ZNF469: variants seen among roughly 807,000 people sequenced by gnomAD.
The protein encoded by ZNF469 is zinc finger protein 469.
In ZNF469, 1 loss-of-function variant was observed where a neutral mutation model predicts 1.0. The ratio of observed to expected loss-of-function variants is 1.00; its 90% CI spans 0.35 to 4.73. The LOEUF is 4.73. Ranked by LOEUF, ZNF469 falls within the 30% of genes most tolerant of loss-of-function variation. The pLI is 0.16. For missense variants in ZNF469, 6,100 were observed against 5,356.3 expected, an observed-to-expected ratio of 1.14 and a Z score of -4.33; for synonymous variants, 2,703 against 2,363.4, an observed-to-expected ratio of 1.14 and a Z score of -4.17.
At chr16:88,238,709 G>A in the ZNF469 span, among the ~76,000 whole-genome samples, 2 of 152,194 alleles carry the variant, frequency 1.3e-5, no homozygotes, top group East Asian at 1.9e-4. Context: ...TTAAAACCAT[G>A]GAGATCCCAG....
chr16:88,160,602 C>T, the ZNF469 span, among the ~76,000 whole-genome samples: 2 of 152,300 alleles, frequency 1.3e-5, no homozygotes, highest in Non-Finnish European at 2.9e-5. Flanking sequence ...CAACTCTTTT[C>T]ACAACAACTT....
intron 1 of ZNF469, among the ~76,000 whole-genome samples, chr16:88,393,590 C>T (rs1310961213): frequency 6.6e-6 from 1 of 152,202 alleles, no homozygotes; most frequent in African/African-American, 2.4e-5. Context: ...GGGTTCGCCC[C>T]AGTGCCGAGC....
chr16:88,316,197 T>C, the ZNF469 span, among the ~76,000 whole-genome samples: 1 of 152,226 alleles, frequency 6.6e-6, no homozygotes, highest in Non-Finnish European at 1.5e-5. Flanking sequence ...TCATACGTTT[T>C]GAACAGTCCT....
the ZNF469 span, among the ~76,000 whole-genome samples, chr16:88,249,679 G>A: frequency 1.9e-4 from 29 of 151,794 alleles, no homozygotes; most frequent in South Asian, 6.2e-4. Flanking sequence ...CTTGTGATCC[G>A]CCCACCTCGG....
chr16:88,250,088 C>A, the ZNF469 span, among the ~76,000 whole-genome samples: 2 of 152,240 alleles, frequency 1.3e-5, no homozygotes, highest in Admixed American at 1.3e-4. Flanking sequence ...AATGTATGTG[C>A]AGAAAAGCGA....
chr16:88,162,302 C>T, the ZNF469 span, among the ~76,000 whole-genome samples: 1 of 143,768 alleles, frequency 7.0e-6, no homozygotes, highest in African/African-American at 2.6e-5. Context: ...AAATTCAACA[C>T]TGAAAAAAAT....
the ZNF469 span, among the ~76,000 whole-genome samples, chr16:88,164,346 A>T: frequency 6.6e-6 from 1 of 151,882 alleles, no homozygotes; most frequent in Admixed American, 6.6e-5. Context: ...GGGTGGATGT[A>T]TAAGTGGGTA....
At chr16:88,360,152 C>A in the ZNF469 span, among the ~76,000 whole-genome samples, 1 of 152,046 alleles carries the variant, frequency 6.6e-6, no homozygotes, top group Non-Finnish European at 1.5e-5. Flanking sequence ...CCACACCCGG[C>A]TGGGATTACA....
At chr16:88,164,944 T>G in the ZNF469 span, among the ~76,000 whole-genome samples, 1 of 152,166 alleles carries the variant, frequency 6.6e-6, no homozygotes, top group Non-Finnish European at 1.5e-5. Flanking sequence ...CAGTAGGTGG[T>G]GTGCCCCGCC....
In ZNF469 at chr16:88,429,013, G is replaced by A. The variant is rs1131691990; in HGVS notation, c.1543G>A (p.Gly515Arg). The A allele has an allele frequency of 5.2e-6, 8 of 1,549,274 alleles. No individual in the cohort carries two copies. The highest frequency in any genetic ancestry group is 4.1e-5 in the African/African-American group (3 of 73,026). Residue 515 changes from glycine (G) to arginine (R), a missense_variant, in exon 3 of 3, where the codon GGG (glycine) becomes AGG (arginine). By Grantham distance (125) the Gly-to-Arg change is moderately radical. Coordinates refer to ENST00000565624, the MANE Select transcript of ZNF469 (RefSeq NM_001367624.2). ...CCCCGCGGGGGGCCCCGAGTGGCAG[G>A]GGGGCAGCCAAGGAGCCCTGGGCAC... is the stretch of plus-strand genomic sequence containing the variant. ...PFPAGGPEWQGGSQGALGTAG... is the reference protein window; with the variant it reads ...PFPAGGPEWQRGSQGALGTAG...
chr16:88,224,911 G>C, the ZNF469 span, among the ~76,000 whole-genome samples: 39 of 152,308 alleles, frequency 2.6e-4, no homozygotes, highest in Non-Finnish European at 4.1e-4. Context: ...TCTGGGGAGC[G>C]GAGGTGCCCC....
At chr16:88,317,037 T>C in the ZNF469 span, among the ~76,000 whole-genome samples, 2 of 152,092 alleles carry the variant, frequency 1.3e-5, no homozygotes, top group South Asian at 4.2e-4. Context: ...ACCCAGATAA[T>C]AAACTGTAGA....
At chr16:88,375,634 T>A in the ZNF469 span, among the ~76,000 whole-genome samples, 1 of 152,220 alleles carries the variant, frequency 6.6e-6, no homozygotes, top group South Asian at 2.1e-4. Context: ...AATCTCTTTG[T>A]TCATTCATTT....
At chr16:88,238,323 C>T in the ZNF469 span, among the ~76,000 whole-genome samples, 6 of 152,166 alleles carry the variant, frequency 3.9e-5, no homozygotes, top group South Asian at 6.2e-4. Context: ...GGTGGAGAGC[C>T]GCACAAGTGA....
At chr16:88,185,737 TAC>T in the ZNF469 span, among the ~76,000 whole-genome samples, 1 of 117,570 alleles carries the variant, frequency 8.5e-6, no homozygotes, top group Non-Finnish European at 1.7e-5. Context: ...TACACACGCA[TAC>T]ACACTCGTGT....
rs565933848 is a variant in ZNF469, at chr16:88,431,623, C to T, written c.4153C>T (p.Leu1385Phe). The T allele has an allele frequency of 6.4e-7, 1 of 1,550,494 alleles. No individual in the cohort carries two copies. The highest frequency in any genetic ancestry group is 1.4e-5 in the African/African-American group (1 of 73,192). The change falls in exon 3 of 3, where the codon CTC becomes TTC. Residue 1385 changes from leucine (L) to phenylalanine (F), a missense_variant. Physicochemically the swap from Leu to Phe is conservative, Grantham distance 22. Transcript: ENST00000565624. ...CAGCAGCCCCCACAGTGAGTTGTTC[C>T]TCGGACCCAAAGACCTGGCTGGCTG... is the stretch of plus-strand genomic sequence containing the variant. Reference protein sequence around the residue: ...PYSSPHSELFLGPKDLAGCFL... With the variant: ...PYSSPHSELFFGPKDLAGCFL...
the ZNF469 span, among the ~76,000 whole-genome samples, chr16:88,146,002 G>C: frequency 2.6e-5 from 4 of 152,368 alleles, no homozygotes; most frequent in African/African-American, 9.6e-5. Context: ...GGGCCACTTT[G>C]TGTTTTCTGG....
the ZNF469 span, among the ~76,000 whole-genome samples, chr16:88,267,790 G>A: frequency 8.6e-5 from 13 of 151,878 alleles, no homozygotes; most frequent in African/African-American, 3.2e-4. Context: ...CTGTTTGCAG[G>A]TCGGGCTGTT....
At chr16:88,389,051 A>G (rs1008193005) in intron 1 of ZNF469, among the ~76,000 whole-genome samples, 1 of 152,266 alleles carries the variant, frequency 6.6e-6, no homozygotes. Flanking sequence ...CCGCTCTCCT[A>G]CAGTGTGCGC....
Sources: gnomAD v4.1 joint callset for allele counts (sites outside exome capture counted in the v4.1 genomes callset) on GRCh38, gnomAD v4.1.1 for gene constraint, MANE v1.5 for transcripts, NCBI Gene and HGNC (gene_info 2026-07-23, HGNC 2026-07-21) for gene names.